NCKAP5L: variants seen among roughly 807,000 people sequenced by gnomAD.
NCKAP5L encodes NCK associated protein 5 like.
Under a neutral mutation model 103.2 loss-of-function variants are expected in NCKAP5L, and 54 were observed. The observed-to-expected ratio is 0.52, with a 90% CI of 0.42 to 0.66. The LOEUF is 0.66. Among genes scored for constraint, NCKAP5L ranks in the 30% least tolerant of loss-of-function variants. The pLI, the probability that NCKAP5L is intolerant of heterozygous loss-of-function variation, is 0.00. For missense variants in NCKAP5L, 1,733 were observed against 1,750.6 expected, an observed-to-expected ratio of 0.99 and a Z score of 0.18; for synonymous variants, 762 against 748.6, an observed-to-expected ratio of 1.02 and a Z score of -0.29.
Position 49,801,929 on chromosome 12 carries a change from C to T in NCKAP5L, c.270G>A (p.Val90=), listed in dbSNP as rs1455680010. Residue 90 remains valine, a synonymous_variant, in exon 6 of 13, where the codon GTG becomes GTA. Transcript: ENST00000335999. ...TCTGGTTCTGCCGTTCCAGGTCAAA[C>T]ACTCTCTTCTTCAGCTTGATGCACT... ...REECIKLKKR[V]FDLERQNQML... 2.5e-6 allele frequency: 4 copies of T among 1,613,880 alleles called. No homozygotes were observed. The highest frequency in any genetic ancestry group is 3.4e-6 in the Non-Finnish European group (4 of 1,179,898).
At chr12:49,807,653 TTA>T (rs1326329333) in intron 1 of NCKAP5L, among the ~76,000 whole-genome samples, 1 of 152,176 alleles carries the variant, frequency 6.6e-6, no homozygotes, top group Non-Finnish European at 1.5e-5. Flanking sequence ...TGAAAAATAT[TTA>T]AGAATTATCT....
chr12:49,797,444 C>A lies in NCKAP5L; in HGVS notation c.466-50G>T, dbSNP rs1395123617. 1.4e-6 allele frequency: 2 copies of A among 1,400,560 alleles called. No individual in the cohort carries two copies. The highest frequency in any genetic ancestry group is 4.8e-5 in the East Asian group (2 of 41,362). 86.8% of individuals were successfully genotyped at this position (1,400,560 alleles called of 1,614,324 possible). ...GGAGGAGACCACACACAGCTGGGAT[C>A]CAGTTCCAGGCCCAGGCCCTGGGCT... is the stretch of plus-strand genomic sequence containing the variant. On this transcript the variant is annotated intron_variant, in intron 7 of 12. Transcript: ENST00000335999. The surrounding 1 kb of genome is among the most constrained non-coding windows in gnomAD (Gnocchi z 4.5).
intron 2 of NCKAP5L, chr12:49,804,342 G>A (rs984371882): frequency 4.4e-5 from 10 of 225,482 alleles, no homozygotes; most frequent in African/African-American, 1.4e-4. Flanking sequence ...AAGCTGGCAC[G>A]TCATTCAGCC....
chr12:49,796,130 G>C lies in NCKAP5L; in HGVS notation c.1730C>G (p.Ser577Cys). 1 of 1,611,636 alleles carries C rather than the reference G, an allele frequency of 6.2e-7. No homozygotes were observed. Among genetic ancestry groups the C allele is most frequent in the Non-Finnish European group, 8.5e-7 (1 of 1,179,120 alleles). ...TGGGTAGGTGGGCACCTGCAGTGGG[G>C]ATGGAGGTGGCTCTGGGGAAGGCCC... ...FRGPSPEPPPSPLQVPTYPQL... is the reference protein window; with the variant it reads ...FRGPSPEPPPCPLQVPTYPQL... The change falls in exon 8 of 13, where the codon TCC (serine) becomes TGC (cysteine). Residue 577 changes from serine (S) to cysteine (C), a missense_variant. Ser to Cys is a moderately radical substitution (Grantham distance 112). Coordinates refer to ENST00000335999, the MANE Select transcript of NCKAP5L (RefSeq NM_001037806.4).
At chr12:49,818,132 G>GA (rs1946320081) in intron 1 of NCKAP5L, among the ~76,000 whole-genome samples, 4 of 148,368 alleles carry the variant, frequency 2.7e-5, no homozygotes, top group Non-Finnish European at 5.9e-5. Flanking sequence ...GCTGTGTCTT[G>GA]GAAAAAAAAA....
chr12:49,801,393 A>G (rs1478795902), intron 6 of NCKAP5L, among the ~76,000 whole-genome samples: 2 of 152,046 alleles, frequency 1.3e-5, no homozygotes, highest in Non-Finnish European at 2.9e-5. Context: ...TCTCCTGGGG[A>G]AGGGAGGTGT....
At chr12:49,825,791 C>A (rs1946410170) in intron 1 of NCKAP5L, among the ~76,000 whole-genome samples, 1 of 152,136 alleles carries the variant, frequency 6.6e-6, no homozygotes, top group African/African-American at 2.4e-5. Flanking sequence ...AAAAGTAACC[C>A]AGGGAGAATG....
chr12:49,817,879 A>G (rs932928253), intron 1 of NCKAP5L, among the ~76,000 whole-genome samples: 3 of 152,250 alleles, frequency 2.0e-5, no homozygotes, highest in Admixed American at 1.3e-4. Flanking sequence ...CTATCATCCC[A>G]GCACTTTGGG....
intron 1 of NCKAP5L, 133 bp downstream of exon 1, chr12:49,828,189 G>A (rs1344628821): frequency 1.3e-5 from 2 of 152,160 alleles, no homozygotes; most frequent in Non-Finnish European, 2.9e-5. Flanking sequence ...TGGGCAGGAA[G>A]CCGCGACGCC....
chr12:49,818,563 G>A (rs918792860), intron 1 of NCKAP5L, among the ~76,000 whole-genome samples: 12 of 151,900 alleles, frequency 7.9e-5, no homozygotes, highest in Admixed American at 2.0e-4. Context: ...CTTTGACCAC[G>A]TTGCCCAGGC....
intron 4 of NCKAP5L, 21 bp from the exon 5 acceptor site, chr12:49,803,017 G>C (rs1216419349): frequency 6.2e-7 from 1 of 1,614,224 alleles, no homozygotes; most frequent in South Asian, 1.1e-5. Flanking sequence ...AAAGCCCCGA[G>C]GCAGAGCCAT....
intron 1 of NCKAP5L, among the ~76,000 whole-genome samples, chr12:49,807,956 G>A (rs575917125): frequency 9.8e-4 from 149 of 152,332 alleles, no homozygotes; most frequent in African/African-American, 3.2e-3. Context: ...GCTAAGGACC[G>A]GGAAACCCTA....
chr12:49,811,544 G>A (rs751900936), intron 1 of NCKAP5L, among the ~76,000 whole-genome samples: 1 of 151,686 alleles, frequency 6.6e-6, no homozygotes, highest in African/African-American at 2.4e-5. Flanking sequence ...CCCCATTTAC[G>A]TCTTCAGTAT....
Position 49,793,766 on chromosome 12 carries a change from G to A in NCKAP5L, c.3226C>T (p.Pro1076Ser). 6.3e-7 allele frequency: 1 copy of A among 1,596,500 alleles called. No homozygotes were observed. The highest frequency in any genetic ancestry group is 8.5e-7 in the Non-Finnish European group (1 of 1,171,424). ...GGAGGTTTTCCGCAGCCCTGAAGAGGGCCCACCAGGCCATTCCGGGGCCCA... is the reference window on the plus strand; with the variant it reads ...GGAGGTTTTCCGCAGCCCTGAAGAGAGCCCACCAGGCCATTCCGGGGCCCA... Reference protein sequence around the residue: ...ACGPRNGLVGPLQGCGKPPGK... With the variant: ...ACGPRNGLVGSLQGCGKPPGK... The change falls in exon 9 of 13, where the codon CCT (proline) becomes TCT (serine). Residue 1076 changes from proline to serine, a missense_variant. Pro to Ser is a moderately conservative substitution (Grantham distance 74, BLOSUM62 -1). Coordinates refer to ENST00000335999, the MANE Select transcript of NCKAP5L (RefSeq NM_001037806.4).
At chr12:49,799,580 A>T (rs1269352260) in intron 6 of NCKAP5L, among the ~76,000 whole-genome samples, 3 of 152,158 alleles carry the variant, frequency 2.0e-5, no homozygotes, top group African/African-American at 7.2e-5. Context: ...GCCTCCCAAA[A>T]TGTTGGGATT....
chr12:49,808,488 C>T (rs1234288885), intron 1 of NCKAP5L, among the ~76,000 whole-genome samples: 1 of 152,144 alleles, frequency 6.6e-6, no homozygotes, highest in Non-Finnish European at 1.5e-5. Context: ...TGAGAGTCGG[C>T]CCAGAGTCTG....
At chr12:49,802,869 A>G in intron 5 of NCKAP5L, 89 bp downstream of exon 5, 1 of 1,434,054 alleles carries the variant, frequency 7.0e-7, no homozygotes, top group Non-Finnish European at 9.5e-7. Flanking sequence ...CTGGAGGGCA[A>G]CAGCCCATGT....
intron 8 of NCKAP5L, 63 bp from the exon 9 acceptor site, chr12:49,793,959 C>G: frequency 7.2e-7 from 1 of 1,387,738 alleles, no homozygotes; most frequent in South Asian, 1.7e-5. Flanking sequence ...TCCAGCCTTG[C>G]ACCCGCCAAT....
rs1945960826 is a variant in NCKAP5L at position 49,792,817 on chromosome 12, G to T, written c.3510C>A (p.Pro1170=). ...CCCGCTCCAGTGTGTGGGCGCGGCG[G>T]GGGACTTTGGTAAGGGGTGGGGGCC... The part of the protein sequence containing the change: ...PARPPPLTKV[P]RRAHTLEREV... Residue 1170 remains proline (P), a synonymous_variant, in exon 11 of 13, where the codon CCC becomes CCA. Coordinates refer to ENST00000335999, the MANE Select transcript of NCKAP5L (RefSeq NM_001037806.4). The surrounding 1 kb of genome is among the most constrained non-coding windows in gnomAD (Gnocchi z 4.5). 1.3e-6 allele frequency: 2 copies of T among 1,589,298 alleles called. No homozygotes were observed.
Sources: gnomAD v4.1 joint callset for allele counts (sites outside exome capture counted in the v4.1 genomes callset) on GRCh38, gnomAD v4.1.1 for gene constraint, Gnocchi (gnomAD v3.1) non-coding constraint, MANE v1.5 for transcripts, NCBI Gene and HGNC (gene_info 2026-07-23, HGNC 2026-07-21) for gene names.